NEXMIF: variants seen among roughly 807,000 people sequenced by gnomAD.
NEXMIF encodes the protein neurite extension and migration factor, also known as XLMR protein related to neurite extension.
A neutral mutation model predicts 62.1 loss-of-function variants in NEXMIF; 8 were observed. The ratio of observed to expected loss-of-function variants is 0.13; its 90% CI spans 0.08 to 0.23. The LOEUF (loss-of-function observed/expected upper bound fraction) is 0.23. NEXMIF is among the 10% of genes least tolerant of loss of function. The pLI is 1.00. For synonymous variants in NEXMIF, 404 were observed against 416.6 expected (o/e 0.97, Z 0.37); for missense variants, 976 against 1,113.3 (o/e 0.88, Z 1.75).
intron 1 of NEXMIF, among the ~76,000 whole-genome samples, chrX:74,876,646 C>G (rs751262525): frequency 1.1e-3 from 106 of 100,829 alleles, no homozygotes; most frequent in Middle Eastern, 9.6e-3. Flanking sequence ...GTAGGTCACT[C>G]AGGACTTGCT....
chrX:74,854,991 C>A (rs2080529647), intron 1 of NEXMIF, among the ~76,000 whole-genome samples: 1 of 111,529 alleles, frequency 9.0e-6, no homozygotes, highest in African/African-American at 3.3e-5. Flanking sequence ...GACCATACTG[C>A]ACAAAGCAAT....
intron 1 of NEXMIF, among the ~76,000 whole-genome samples, chrX:74,866,209 G>T (rs1321252571): frequency 1.8e-5 from 2 of 112,090 alleles, no homozygotes; most frequent in African/African-American, 6.5e-5. Flanking sequence ...TTGCATCAGT[G>T]TGACCTGGAT....
intron 1 of NEXMIF, among the ~76,000 whole-genome samples, chrX:74,911,422 T>C (rs1012871755): frequency 9.0e-6 from 1 of 111,257 alleles, no homozygotes; most frequent in Non-Finnish European, 1.9e-5. Flanking sequence ...AAAAAGTAAG[T>C]GGCATATTTG....
At chrX:74,760,157 G>A (rs1276814087) in intron 1 of NEXMIF, among the ~76,000 whole-genome samples, 1 of 111,489 alleles carries the variant, frequency 9.0e-6, no homozygotes, top group Non-Finnish European at 1.9e-5. Flanking sequence ...TGGCAATTAT[G>A]AATGGGTTTG....
intron 1 of NEXMIF, among the ~76,000 whole-genome samples, chrX:74,901,125 C>A (rs1466615882): frequency 8.9e-6 from 1 of 111,779 alleles, no homozygotes; most frequent in Non-Finnish European, 1.9e-5. Flanking sequence ...TTCCACACAA[C>A]TGTACACTTA....
chrX:74,851,945 G>C (rs866864013), intron 1 of NEXMIF, among the ~76,000 whole-genome samples: 49 of 110,781 alleles, frequency 4.4e-4, no homozygotes, highest in African/African-American at 1.6e-3. Context: ...TAAAATGATA[G>C]GAATAAGCCC....
chrX:74,792,928 C>T (rs1424749098), intron 1 of NEXMIF, among the ~76,000 whole-genome samples: 1 of 105,925 alleles, frequency 9.4e-6, no homozygotes, highest in East Asian at 3.0e-4. Context: ...ACTCTTTATC[C>T]AATTTGCCAG....
chrX:74,904,572 C>T (rs918835054), intron 1 of NEXMIF, among the ~76,000 whole-genome samples: 4 of 111,483 alleles, frequency 3.6e-5, no homozygotes, highest in African/African-American at 1.3e-4. Context: ...GAAAAAAGAT[C>T]AGAAGTTCAA....
At chrX:74,855,446 T>G (rs2080531593) in intron 1 of NEXMIF, among the ~76,000 whole-genome samples, 1 of 112,118 alleles carries the variant, frequency 8.9e-6, no homozygotes, top group Admixed American at 9.5e-5. Flanking sequence ...CATGGCTGTC[T>G]GAGGCAATGC....
At chrX:74,863,287 T>G (rs2080564792) in intron 1 of NEXMIF, among the ~76,000 whole-genome samples, 2 of 106,219 alleles carry the variant, frequency 1.9e-5, no homozygotes. Flanking sequence ...AAGATCAGAG[T>G]GAACTGAAGG....
At chrX:74,796,896 A>AGAAT (rs1244132811) in intron 1 of NEXMIF, among the ~76,000 whole-genome samples, 1 of 111,932 alleles carries the variant, frequency 8.9e-6, no homozygotes, top group Non-Finnish European at 1.9e-5. Flanking sequence ...CAAAGAATAG[A>AGAAT]GAATGAAAAA....
Position 74,903,325 on chromosome X carries a change from T to TACACACACACAC in NEXMIF, c.-48+21546_-48+21557dup, listed in dbSNP as rs397897060. On this transcript the variant is annotated intron_variant, in intron 1 of 3. Transcript: ENST00000055682. ...TGGAGTCCTCACTGATTCTCAGGCA[T>TACACACACACAC]ACACACACACACACACACACACACA... Among the ~76,000 whole-genome samples the TACACACACACAC allele has an allele frequency of 9.5e-3, 485 of 51,247 alleles. 49 individuals are homozygous for TACACACACACAC. Among genetic ancestry groups the TACACACACACAC allele is most frequent in the East Asian group, 0.077 (82 of 1,062 alleles). The allele number at this position is 51,247 out of a possible 115,157, so 44.5% of individuals were successfully genotyped here.
chrX:74,877,697 T>C (rs1269159930), intron 1 of NEXMIF, among the ~76,000 whole-genome samples: 1 of 111,522 alleles, frequency 9.0e-6, no homozygotes, highest in Non-Finnish European at 1.9e-5. Flanking sequence ...TTTCTTTTTA[T>C]TCTTTTTTCT....
At chrX:74,757,069 G>C (rs573721658) in intron 1 of NEXMIF, among the ~76,000 whole-genome samples, 2 of 111,762 alleles carry the variant, frequency 1.8e-5, no homozygotes, top group South Asian at 7.5e-4. Context: ...TCTGTGCCAG[G>C]ATTTGGGCTC....
chrX:74,913,066 A>G (rs948448426), intron 1 of NEXMIF, among the ~76,000 whole-genome samples: 5 of 112,208 alleles, frequency 4.5e-5, no homozygotes, highest in African/African-American at 1.6e-4. Context: ...ATCACTTATC[A>G]TACCAATGAC....
rs115689617 is a variant in NEXMIF at position 74,866,102 on chromosome X, C to T, written c.-48+58781G>A. On this transcript the variant is annotated intron_variant, in intron 1 of 3. Coordinates refer to ENST00000055682, the MANE Select transcript of NEXMIF (RefSeq NM_001008537.3). Reference sequence around the variant, plus strand: ...TTGCACCATGTTCCCGGAAATGCCACAGAAACTCAAAGCTAATCGGTGAAA... The same window carrying T: ...TTGCACCATGTTCCCGGAAATGCCATAGAAACTCAAAGCTAATCGGTGAAA... Among the ~76,000 whole-genome samples, 557 of 111,691 alleles carry T rather than the reference C, an allele frequency of 5.0e-3. 2 individuals carry two copies. The highest frequency in any genetic ancestry group is 0.018 in the African/African-American group (538 of 30,717).
At chrX:74,837,187 T>C (rs2080459896) in intron 1 of NEXMIF, among the ~76,000 whole-genome samples, 1 of 111,457 alleles carries the variant, frequency 9.0e-6, no homozygotes, top group Non-Finnish European at 1.9e-5. Context: ...GAGGGGTGGA[T>C]CTGGTGATTC....
chrX:74,757,660 C>A (rs769269841), intron 1 of NEXMIF, among the ~76,000 whole-genome samples: 9 of 111,795 alleles, frequency 8.1e-5, no homozygotes, highest in Non-Finnish European at 1.5e-4. Context: ...GGGTTTCCAT[C>A]GGTCTTTGGT....
At chrX:74,745,275 G>A (rs1048301399) in intron 2 of NEXMIF, among the ~76,000 whole-genome samples, 6 of 111,125 alleles carry the variant, frequency 5.4e-5, no homozygotes, top group Middle Eastern at 4.6e-3. Flanking sequence ...GAGCCACTGC[G>A]CCCGGCCACT....
Sources: gnomAD v4.1 joint callset for allele counts (sites outside exome capture counted in the v4.1 genomes callset) on GRCh38, gnomAD v4.1.1 for gene constraint, MANE v1.5 for transcripts, NCBI Gene and HGNC (gene_info 2026-07-23, HGNC 2026-07-21) for gene names.